The following NINL variants were observed in gnomAD, a reference collection of about 807,000 sequenced individuals.
The protein encoded by NINL is ninein-like protein.
In NINL, 153 loss-of-function variants were observed where a neutral mutation model predicts 160.3. That is an observed-to-expected ratio of 0.95 (90% CI 0.84 to 1.09). The LOEUF (loss-of-function observed/expected upper bound fraction) is 1.09. Ranked by LOEUF, NINL falls within the 50% of genes least tolerant of loss-of-function variation. NINL has a pLI of 0.00. For missense variants in NINL, 1,829 were observed against 1,764.0 expected, an observed-to-expected ratio of 1.04 and a Z score of -0.66; for synonymous variants, 800 against 734.8, an observed-to-expected ratio of 1.09 and a Z score of -1.43.
At chr20:25,539,380 CCT>C (rs2064620255) in intron 1 of NINL, among the ~76,000 whole-genome samples, 1 of 152,232 alleles carries the variant, frequency 6.6e-6, no homozygotes, top group African/African-American at 2.4e-5. Context: ...CCGCAGGGCC[CCT>C]GAGCGGCCAA....
chr20:25,568,093 G>A (rs1224734438), intron 1 of NINL, among the ~76,000 whole-genome samples: 2 of 151,606 alleles, frequency 1.3e-5, no homozygotes, highest in Admixed American at 1.3e-4. Flanking sequence ...CAATAAAACT[G>A]AACGCAGAAA....
chr20:25,467,448 C>G lies in NINL; in HGVS notation c.3364G>C (p.Glu1122Gln), dbSNP rs35479032. 2.4e-4 allele frequency: 392 copies of G among 1,613,802 alleles called. 2 individuals carry two copies. In the African/African-American group the frequency reaches 4.4e-3, roughly 18 times the overall value. ...STHDAQRKEI[E>Q]VLKKDKEKAC... is the part of the protein sequence containing the mutation. Reference sequence around the variant, plus strand: ...TTTTCCTTGTCTTTCTTTAAAACCTCAATTTCCTTCCTGTTGAAGAAGCAC... The same window carrying G: ...TTTTCCTTGTCTTTCTTTAAAACCTGAATTTCCTTCCTGTTGAAGAAGCAC... Residue 1122 changes from glutamate to glutamine, a missense_variant, in exon 19 of 24, where the codon GAG (glutamate) becomes CAG (glutamine). Coordinates refer to ENST00000278886, the MANE Select transcript of NINL (RefSeq NM_025176.6).
chr20:25,554,624 CAAAAAAAAAAACAAAAAAA>C (rs1470294994), intron 1 of NINL, among the ~76,000 whole-genome samples: 1 of 49,724 alleles, frequency 2.0e-5, no homozygotes, highest in Non-Finnish European at 4.7e-5. Context: ...TGTTCTTTAC[CAAAAAAAAAAACAAAAAAA>C]AAAAAAAAAA....
At chr20:25,568,636 C>A (rs1026683250) in intron 1 of NINL, among the ~76,000 whole-genome samples, 8 of 151,470 alleles carry the variant, frequency 5.3e-5, no homozygotes, top group Admixed American at 1.3e-4. Flanking sequence ...GTCTCAAACT[C>A]CTGTGCTCGA....
rs751562085 is a variant in NINL, at chr20:25,461,448, C to T, written c.3696+74G>A. The T allele has an allele frequency of 4.1e-4, 362 of 877,660 alleles. 2 individuals are homozygous for T. The highest frequency in any genetic ancestry group is 5.7e-4 in the Non-Finnish European group (321 of 563,198). The allele number at this position is 877,660 out of a possible 1,614,324, so 54.4% of individuals were successfully genotyped here. A position where few individuals can be genotyped will look rare whatever the true frequency, so the allele number is the denominator to read the frequency against. ...CTTTGGGCTGGAGGAGGCCTGGCAACACCGTTGGCACTGCGGTGATGCTGC... is the reference window on the plus strand; with the variant it reads ...CTTTGGGCTGGAGGAGGCCTGGCAATACCGTTGGCACTGCGGTGATGCTGC... On this transcript the variant is annotated intron_variant, in intron 21 of 23. Coordinates refer to ENST00000278886, the MANE Select transcript of NINL (RefSeq NM_025176.6).
chr20:25,561,230 G>C (rs972762428), intron 1 of NINL, among the ~76,000 whole-genome samples: 1 of 152,172 alleles, frequency 6.6e-6, no homozygotes, highest in Non-Finnish European at 1.5e-5. Context: ...GTGGAGAGGG[G>C]GTTTCGCTGT....
intron 1 of NINL, among the ~76,000 whole-genome samples, chr20:25,555,181 G>A (rs772770039): frequency 1.8e-4 from 27 of 152,238 alleles, no homozygotes; most frequent in African/African-American, 4.8e-4. Context: ...TCTATCAGGC[G>A]TCTAGCTTGG....
chr20:25,540,060 CA>C (rs2064636203), intron 1 of NINL: 1 of 1,285,612 alleles, frequency 7.8e-7, no homozygotes, highest in Admixed American at 2.3e-5. Flanking sequence ...CTTCTTCATG[CA>C]AACTGAATTA....
intron 1 of NINL, among the ~76,000 whole-genome samples, chr20:25,562,982 C>T (rs1170057377): frequency 3.3e-5 from 5 of 152,022 alleles, no homozygotes; most frequent in East Asian, 1.9e-4. Context: ...CTGGCTAACA[C>T]GGTGAAATCC....
chr20:25,468,644 G>T (rs1228121392), intron 18 of NINL, among the ~76,000 whole-genome samples: 1 of 129,220 alleles, frequency 7.7e-6, no homozygotes, highest in Non-Finnish European at 1.6e-5. Flanking sequence ...CCCCTGCCCT[G>T]TCCCCCAATT....
chr20:25,498,443 G>A, intron 8 of NINL, 97 bp from the exon 9 acceptor site: 1 of 1,478,022 alleles, frequency 6.8e-7, no homozygotes, highest in Admixed American at 2.0e-5. Flanking sequence ...AGCCCAGCAT[G>A]GCTGTCCCAG....
At chr20:25,489,829 A>T in intron 12 of NINL, 46 bp downstream of exon 12, 1 of 1,483,684 alleles carries the variant, frequency 6.7e-7, no homozygotes, top group Middle Eastern at 1.7e-4. Flanking sequence ...CACTCTGCCC[A>T]GCAGGCCCTC....
In NINL at chr20:25,489,906, T is replaced by C; in HGVS notation, c.1565A>G (p.Gln522Arg). Residue 522 changes from glutamine to arginine, a missense_variant, in exon 12 of 24, where the codon CAG becomes CGG. Transcript: ENST00000278886. ...CTTCAGCACAAACTCCAGGTCCTTC[T>C]GCAGCTTCAGGGCCAGCCTCTCCGA... ...SDSERLALKL[Q>R]KDLEFVLKDK... The C allele has an allele frequency of 6.2e-7, 1 of 1,614,192 alleles. No individual in the cohort carries two copies. The highest frequency in any genetic ancestry group is 1.1e-5 in the South Asian group (1 of 91,082).
chr20:25,490,022 C>T, intron 11 of NINL, 37 bp from the exon 12 acceptor site: 1 of 1,564,442 alleles, frequency 6.4e-7, no homozygotes, highest in South Asian at 1.1e-5. Flanking sequence ...CAGGCTCCTG[C>T]AGGACGGAGG....
intron 17 of NINL, among the ~76,000 whole-genome samples, chr20:25,471,676 A>C (rs757367242): frequency 6.6e-6 from 1 of 152,248 alleles, no homozygotes; most frequent in Non-Finnish European, 1.5e-5. Context: ...GGGACCTTGC[A>C]ACCAATGCCT....
At chr20:25,554,483 T>A (rs1309357913) in intron 1 of NINL, among the ~76,000 whole-genome samples, 1 of 151,914 alleles carries the variant, frequency 6.6e-6, no homozygotes, top group African/African-American at 2.4e-5. Context: ...GATCACAATT[T>A]ATACAAAACC....
chr20:25,539,342 G>A (rs1038600969), intron 1 of NINL, among the ~76,000 whole-genome samples: 2 of 152,242 alleles, frequency 1.3e-5, no homozygotes, highest in Non-Finnish European at 2.9e-5. Context: ...CGGAGAACCA[G>A]CAACCTGGCC....
At chr20:25,478,723 C>T in intron 16 of NINL, 200 bp downstream of exon 16, 2 of 556,634 alleles carry the variant, frequency 3.6e-6, no homozygotes, top group Non-Finnish European at 6.1e-6. Flanking sequence ...CTTCATGGCC[C>T]ATGATCCAAT....
chr20:25,533,508 A>C (rs2064503223), intron 1 of NINL, among the ~76,000 whole-genome samples: 1 of 152,214 alleles, frequency 6.6e-6, no homozygotes, highest in South Asian at 2.1e-4. Flanking sequence ...TAAAGATAAA[A>C]AATGAGAGAG....
Sources: gnomAD v4.1 joint callset for allele counts (sites outside exome capture counted in the v4.1 genomes callset) on GRCh38, gnomAD v4.1.1 for gene constraint, MANE v1.5 for transcripts, NCBI Gene and HGNC (gene_info 2026-07-23, HGNC 2026-07-21) for gene names.